FZR1: variants seen among roughly 807,000 people sequenced by gnomAD.
FZR1 encodes the protein fizzy and cell division cycle 20 related 1.
Under a neutral mutation model 63.6 loss-of-function variants are expected in FZR1, and 11 were observed. That is an observed-to-expected ratio of 0.17 (90% CI 0.11 to 0.29). The LOEUF is 0.29. Ranked by LOEUF, FZR1 falls within the 10% of genes least tolerant of loss-of-function variation. The pLI, the probability that FZR1 is intolerant of heterozygous loss-of-function variation, is 1.00. For missense variants in FZR1, 440 were observed against 687.5 expected, an observed-to-expected ratio of 0.64 and a Z score of 4.03; for synonymous variants, 328 against 297.9, an observed-to-expected ratio of 1.10 and a Z score of -1.04.
rs1443357891 is a variant in FZR1, at chr19:3,526,941, C to T, written c.388-39C>T. The T allele has an allele frequency of 2.7e-6, 4 of 1,473,010 alleles. No homozygotes were observed. The African/African-American group carries it at 5.5e-5, about 20-fold the overall frequency. 91.2% of individuals were successfully genotyped at this position (1,473,010 alleles called of 1,614,324 possible). A position where few individuals can be genotyped will look rare whatever the true frequency, so the allele number is the denominator to read the frequency against. The stretch of plus-strand genomic sequence containing the variant: ...TGGGGGGCTCTGAGGGTCCTGCGGC[C>T]TGGGCGTGCGCTCAGCTGGCATGTC... On this transcript the variant is annotated intron_variant, in intron 5 of 13. Coordinates refer to ENST00000441788, the MANE Select transcript of FZR1 (RefSeq NM_016263.4). This position sits in a 1 kb window ranked among gnomAD's most constrained non-coding sequence, Gnocchi z 5.4.
intron 10 of FZR1, 40 bp from the exon 11 acceptor site, chr19:3,532,377 G>C (rs927545783): frequency 6.6e-6 from 10 of 1,507,978 alleles, no homozygotes; most frequent in Non-Finnish European, 9.0e-6. Context: ...TGGGACCACA[G>C]GGCTGGGACA....
chr19:3,534,731 C>A, intron 13 of FZR1, 64 bp from the exon 14 acceptor site: 1 of 1,471,000 alleles, frequency 6.8e-7, no homozygotes, highest in Non-Finnish European at 9.5e-7. Flanking sequence ...CCTTGGGGAC[C>A]CTCCAGGCAG....
Position 3,533,699 on chromosome 19 carries a change from C to G in FZR1, c.1347+301C>G. The G allele has an allele frequency of 2.7e-6, 1 of 374,310 alleles. No individual in the cohort carries two copies. Among genetic ancestry groups the G allele is most frequent in the Non-Finnish European group, 4.9e-6 (1 of 202,682 alleles). 23.2% of individuals were successfully genotyped at this position (374,310 alleles called of 1,614,324 possible). On this transcript the variant is annotated intron_variant, in intron 12 of 13. Coordinates refer to ENST00000441788, the MANE Select transcript of FZR1 (RefSeq NM_016263.4). This position sits in a 1 kb window ranked among gnomAD's most constrained non-coding sequence, Gnocchi z 4.9. Reference sequence around the variant, plus strand: ...GAAGAGGAAAGCCAAAACCAACTCACAGCTGACCACTCAGATGACCCTGTG... The same window carrying G: ...GAAGAGGAAAGCCAAAACCAACTCAGAGCTGACCACTCAGATGACCCTGTG...
At position 3,526,365 on chromosome 19, in the gene FZR1, T is replaced by A; in HGVS notation, c.366T>A (p.Pro122=). 1 of 1,596,420 alleles carries A rather than the reference T, an allele frequency of 6.3e-7. No homozygotes were observed. The highest frequency in any genetic ancestry group is 8.5e-7 in the Non-Finnish European group (1 of 1,172,808). ...ACCGCAGGCTGCAGCCCTCCACGCCTGAGAAGAAGGGTCTGTTCACGGTAA... is the reference window on the plus strand; with the variant it reads ...ACCGCAGGCTGCAGCCCTCCACGCCAGAGAAGAAGGGTCTGTTCACGGTAA... ...TEDRRLQPST[P]EKKGLFTYSL... is the part of the protein sequence containing the mutation. Residue 122 remains proline (P), a synonymous_variant, in exon 5 of 14, where the codon CCT becomes CCA. Coordinates refer to ENST00000441788, the MANE Select transcript of FZR1 (RefSeq NM_016263.4). This position sits in a 1 kb window ranked among gnomAD's most constrained non-coding sequence, Gnocchi z 5.4.
intron 6 of FZR1, 124 bp from the exon 7 acceptor site, chr19:3,527,507 C>T (rs548285133): frequency 1.3e-5 from 9 of 702,298 alleles, no homozygotes; most frequent in African/African-American, 7.1e-5. Context: ...CACATGGTGG[C>T]GGTGGTGATT....
At position 3,528,720 on chromosome 19, in the gene FZR1, G is replaced by GGT. The variant is rs1568237090; in HGVS notation, c.654+907_654+908insTG. ...GAGAGTGGATGGGTGAGCAGATTAG[G>GGT]GAGTGGATGGGTGAGTGGATGGGAG... is the stretch of plus-strand genomic sequence containing the variant. On this transcript the variant is annotated intron_variant, in intron 7 of 13. Transcript: ENST00000441788. 3.4e-3 allele frequency among the ~76,000 whole-genome samples: 365 copies of GGT among 107,150 alleles called. 17 individuals carry two copies. In the South Asian group the frequency reaches 0.088, roughly 26 times the overall value. The allele number at this position is 107,150 out of a possible 152,430, so 70.3% of individuals were successfully genotyped here.
chr19:3,512,768 C>A (rs2083032743), intron 1 of FZR1, among the ~76,000 whole-genome samples: 1 of 152,072 alleles, frequency 6.6e-6, no homozygotes, highest in Non-Finnish European at 1.5e-5. Context: ...CAAATGTGAC[C>A]CGAGAGAGCC....
In FZR1 at chr19:3,525,423, T is replaced by C. The variant is rs1361165496; in HGVS notation, c.70-445T>C. On this transcript the variant is annotated intron_variant, in intron 2 of 13. Transcript: ENST00000441788. The surrounding 1 kb of genome is among the most constrained non-coding windows in gnomAD (Gnocchi z 4.2). ...ACGAGTGACTGTGTGGCTCCCCTCC[T>C]TGGGTTTTCTTTTTTTTTTTTTTTT... 6.8e-6 allele frequency among the ~76,000 whole-genome samples: 1 copy of C among 146,960 alleles called. No homozygotes were observed. The highest frequency in any genetic ancestry group is 1.5e-5 in the Non-Finnish European group (1 of 67,128).
intron 6 of FZR1, 132 bp downstream of exon 6, chr19:3,527,194 G>T (rs1488261127): frequency 5.3e-6 from 4 of 758,456 alleles, no homozygotes; most frequent in Non-Finnish European, 4.6e-6. Context: ...GCTTCCCAGG[G>T]CATAGTGGCC....
intron 9 of FZR1, 28 bp from the exon 10 acceptor site, chr19:3,531,883 C>T: frequency 1.3e-6 from 2 of 1,575,040 alleles, no homozygotes; most frequent in Non-Finnish European, 1.7e-6. Context: ...GCAGGAGAGG[C>T]TCACCCCCGC....
Position 3,536,254 on chromosome 19 carries a change from C to G in FZR1, c.*1418C>G, listed in dbSNP as rs1442497603. On this transcript the variant is annotated 3_prime_UTR_variant, in exon 14 of 14. Transcript: ENST00000441788. Reference sequence around the variant, plus strand: ...TGTTTGAGGCTAGACGGGGAGGGGCCAGGACCCACCCACTGCTCCTGGGGG... The same window carrying G: ...TGTTTGAGGCTAGACGGGGAGGGGCGAGGACCCACCCACTGCTCCTGGGGG... The G allele has an allele frequency of 2.0e-5, 3 of 152,202 alleles. No homozygotes were observed. In the East Asian group the frequency reaches 5.8e-4, roughly 29 times the overall value. The allele number at this position is 152,202 out of a possible 1,614,324, so 9.4% of individuals were successfully genotyped here.
In FZR1 at chr19:3,536,628, G is replaced by C. The variant is rs533757289; in HGVS notation, c.*1792G>C. ...ACTGGGAACCGCCGCAGGGCCAGGC[G>C]GACGGCGTGAGGTTTGTGTTGGGGC... On this transcript the variant is annotated 3_prime_UTR_variant, in exon 14 of 14. Coordinates refer to ENST00000441788, the MANE Select transcript of FZR1 (RefSeq NM_016263.4). 6.6e-6 allele frequency: 1 copy of C among 152,472 alleles called. No individual in the cohort carries two copies. Among genetic ancestry groups the C allele is most frequent in the Non-Finnish European group, 1.5e-5 (1 of 68,236 alleles). The allele number at this position is 152,472 out of a possible 1,614,324, so 9.4% of individuals were successfully genotyped here.
intron 2 of FZR1, 90 bp downstream of exon 2, chr19:3,523,148 C>G: frequency 1.2e-6 from 1 of 847,178 alleles, no homozygotes; most frequent in South Asian, 1.3e-5. Flanking sequence ...CCCACTGTCA[C>G]TAAAGCCCCA....
At position 3,537,164 on chromosome 19, in the gene FZR1, G is replaced by A. The variant is rs2030007802; in HGVS notation, c.*2328G>A. ...GGGAGGGTCCCATGATGATGGGCCA[G>A]GGCTCGTGTAGAAATGGGGGAATTG... On this transcript the variant is annotated 3_prime_UTR_variant, in exon 14 of 14. Coordinates refer to ENST00000441788, the MANE Select transcript of FZR1 (RefSeq NM_016263.4). The A allele has an allele frequency of 6.6e-6, 1 of 152,594 alleles. No homozygotes were observed. Among genetic ancestry groups the A allele is most frequent in the South Asian group, 2.1e-4 (1 of 4,842 alleles). The allele number at this position is 152,594 out of a possible 1,614,324, so 9.5% of individuals were successfully genotyped here. A position where few individuals can be genotyped will look rare whatever the true frequency, so the allele number is the denominator to read the frequency against.
chr19:3,526,876 C>A lies in FZR1; in HGVS notation c.388-104C>A. ...GCTGCTCCACACAGGGTCTCAGCAC[C>A]TGCCTTAGGGCTATGAGCTGTACCG... On this transcript the variant is annotated intron_variant, in intron 5 of 13. Coordinates refer to ENST00000441788, the MANE Select transcript of FZR1 (RefSeq NM_016263.4). The surrounding 1 kb of genome is among the most constrained non-coding windows in gnomAD (Gnocchi z 5.4). The A allele has an allele frequency of 1.2e-6, 1 of 805,846 alleles. No individual in the cohort carries two copies. Among genetic ancestry groups the A allele is most frequent in the Non-Finnish European group, 2.1e-6 (1 of 480,098 alleles). 49.9% of individuals were successfully genotyped at this position (805,846 alleles called of 1,614,324 possible). A position where few individuals can be genotyped will look rare whatever the true frequency, so the allele number is the denominator to read the frequency against.
At chr19:3,528,266 G>T (rs919616765) in intron 7 of FZR1, among the ~76,000 whole-genome samples, 2 of 152,258 alleles carry the variant, frequency 1.3e-5, no homozygotes, top group Non-Finnish European at 2.9e-5. Flanking sequence ...CAGGGAGACT[G>T]GGTTGCTGGT....
At chr19:3,527,108 G>A (rs747436605) in intron 6 of FZR1, 46 bp downstream of exon 6, 28 of 1,435,046 alleles carry the variant, frequency 2.0e-5, no homozygotes, top group Admixed American at 5.0e-5. Flanking sequence ...CCTGTCTCCC[G>A]TCAGCAGCAA....
intron 7 of FZR1, among the ~76,000 whole-genome samples, chr19:3,528,925 AGT>A (rs2083194495): frequency 2.3e-5 from 3 of 132,086 alleles, no homozygotes; most frequent in Admixed American, 7.7e-5. Flanking sequence ...TGGATGGGAG[AGT>A]GTATGGGAGT....
chr19:3,526,121 A>T lies in FZR1; in HGVS notation c.197A>T (p.Glu66Val). The T allele has an allele frequency of 6.2e-7, 1 of 1,612,854 alleles. No homozygotes were observed. The highest frequency in any genetic ancestry group is 1.1e-5 in the South Asian group (1 of 91,074). ...NWSVNFHRIN[E>V]NEKSPSQNRK... ...CCCTCTCTGCTCTCCTGCCTGCAGGAGAATGAGAAGTCTCCCAGTCAGAAC... is the reference window on the plus strand; with the variant it reads ...CCCTCTCTGCTCTCCTGCCTGCAGGTGAATGAGAAGTCTCCCAGTCAGAAC... Residue 66 changes from glutamate to valine, a missense_variant and splice_region_variant, in exon 4 of 14, where the codon GAG becomes GTG. Glu to Val is a moderately radical substitution (Grantham distance 121). Coordinates refer to ENST00000441788, the MANE Select transcript of FZR1 (RefSeq NM_016263.4). The surrounding 1 kb of genome is among the most constrained non-coding windows in gnomAD (Gnocchi z 5.4).
Sources: gnomAD v4.1 joint callset for allele counts (sites outside exome capture counted in the v4.1 genomes callset) on GRCh38, gnomAD v4.1.1 for gene constraint, Gnocchi (gnomAD v3.1) non-coding constraint, MANE v1.5 for transcripts, NCBI Gene and HGNC (gene_info 2026-07-23, HGNC 2026-07-21) for gene names.